GOLGA3: variants seen among roughly 807,000 people sequenced by gnomAD.
GOLGA3 encodes the protein golgin A3.
In GOLGA3, 75 loss-of-function variants were observed where a neutral mutation model predicts 169.4. The ratio of observed to expected loss-of-function variants is 0.44; its 90% CI spans 0.37 to 0.54. The LOEUF (loss-of-function observed/expected upper bound fraction) is 0.54. Among genes scored for constraint, GOLGA3 ranks in the 20% least tolerant of loss-of-function variants. The pLI, the probability that GOLGA3 is intolerant of heterozygous loss-of-function variation, is 0.00. For synonymous variants in GOLGA3, 824 were observed against 822.4 expected (o/e 1.00, Z -0.03); for missense variants, 1,899 against 1,930.0 (o/e 0.98, Z 0.30).
At chr12:132,775,013 C>G in intron 22 of GOLGA3, 128 bp downstream of exon 22, 1 of 701,888 alleles carries the variant, frequency 1.4e-6, no homozygotes, top group East Asian at 2.7e-5. Flanking sequence ...ACTGACTACA[C>G]AGCAGCTGCT....
At chr12:132,789,759 C>T (rs1050297522) in intron 12 of GOLGA3, among the ~76,000 whole-genome samples, 6 of 152,108 alleles carry the variant, frequency 3.9e-5, no homozygotes, top group African/African-American at 1.5e-4. Context: ...GCAGGCCGGG[C>T]GCGGTGGCTC....
chr12:132,808,640 A>G, intron 4 of GOLGA3, 91 bp from the exon 5 acceptor site: 1 of 1,004,246 alleles, frequency 1.0e-6, no homozygotes, highest in Non-Finnish European at 1.5e-6. Context: ...ACCGATCACT[A>G]CTCCCTCCGC....
rs1170693517 is a variant in GOLGA3, at chr12:132,786,638, G to GC, written c.2906+54dup. ...GGCATTCTGGTTCGCCTCCCCCCCGGCCCCCGCACCTCCCACCTGGCCCCC... is the reference window on the plus strand; with the variant it reads ...GGCATTCTGGTTCGCCTCCCCCCCGGCCCCCCGCACCTCCCACCTGGCCCCC... On this transcript the variant is annotated intron_variant, in intron 14 of 23. Coordinates refer to ENST00000450791, the MANE Select transcript of GOLGA3 (RefSeq NM_001389683.1). 1.7e-5 allele frequency: 16 copies of GC among 915,596 alleles called. No individual in the cohort carries two copies. The East Asian group carries it at 2.1e-4, about 12-fold the overall frequency. The allele number at this position is 915,596 out of a possible 1,614,324, so 56.7% of individuals were successfully genotyped here.
chr12:132,813,858 G>A (rs947411339), intron 3 of GOLGA3, among the ~76,000 whole-genome samples: 3 of 151,654 alleles, frequency 2.0e-5, no homozygotes, highest in Non-Finnish European at 2.9e-5. Context: ...CCAAGTAGCT[G>A]GGAATACAGG....
At position 132,770,078 on chromosome 12, in the gene GOLGA3, C is replaced by G. The variant is rs1018248990; in HGVS notation, c.*3027G>C. 9.2e-5 allele frequency: 14 copies of G among 151,978 alleles called. No individual in the cohort carries two copies. Among genetic ancestry groups the G allele is most frequent in the African/African-American group, 3.4e-4 (14 of 41,358 alleles). 9.4% of individuals were successfully genotyped at this position (151,978 alleles called of 1,614,324 possible). A position where few individuals can be genotyped will look rare whatever the true frequency, so the allele number is the denominator to read the frequency against. On this transcript the variant is annotated 3_prime_UTR_variant, in exon 24 of 24. Transcript: ENST00000450791. ...GTGGAACTCCACCCCTCTAAAAATA[C>G]AAAAATTAGGCTGGTGTGGTGGCGG...
chr12:132,791,473 G>C (rs888422202), intron 11 of GOLGA3, among the ~76,000 whole-genome samples, 180 bp from the exon 12 acceptor site: 1 of 151,818 alleles, frequency 6.6e-6, no homozygotes, highest in Non-Finnish European at 1.5e-5. Flanking sequence ...GGACACATCT[G>C]CAGAGATGTT....
Position 132,791,238 on chromosome 12 carries a change from T to C in GOLGA3, c.2525A>G (p.Lys842Arg), listed in dbSNP as rs2046216265. ...AALKKQMQKI[K>R]EQFLQQKVMV... ...TACCTTTTGTTGGAGAAACTGTTCC[T>C]TTATTTTTTGCATTTGCTTTTTCAG... is the stretch of plus-strand genomic sequence containing the variant. The change falls in exon 12 of 24, where the codon AAG (lysine) becomes AGG (arginine). Residue 842 changes from lysine (K) to arginine (R), a missense_variant. Lys to Arg is a conservative substitution (Grantham distance 26). Transcript: ENST00000450791. The C allele has an allele frequency of 3.7e-6, 6 of 1,604,454 alleles. No homozygotes were observed. Among genetic ancestry groups the C allele is most frequent in the South Asian group, 1.1e-5 (1 of 90,742 alleles).
intron 1 of GOLGA3, among the ~76,000 whole-genome samples, chr12:132,822,834 G>C (rs1435091530): frequency 6.6e-6 from 1 of 152,112 alleles, no homozygotes; most frequent in African/African-American, 2.4e-5. Context: ...AGGCAGGAGA[G>C]TCACTTGAAA....
intron 4 of GOLGA3, chr12:132,811,797 TAAG>T (rs1202569078): frequency 1.2e-5 from 11 of 921,330 alleles, no homozygotes; most frequent in East Asian, 2.3e-4. Context: ...CTTAAAGGTA[TAAG>T]AAGAACACGC....
intron 23 of GOLGA3, among the ~76,000 whole-genome samples, chr12:132,773,945 A>G (rs1470741435): frequency 4.9e-5 from 7 of 141,838 alleles, no homozygotes; most frequent in Non-Finnish European, 3.0e-5. Context: ...TCAGAGGCTG[A>G]GTCCTTCCCC....
chr12:132,779,739 G>A (rs1051565561), intron 18 of GOLGA3, among the ~76,000 whole-genome samples: 8 of 148,076 alleles, frequency 5.4e-5, no homozygotes, highest in African/African-American at 1.7e-4. Flanking sequence ...AGGCACACAC[G>A]TGCGCACACA....
rs1407031588 is a variant in GOLGA3 at position 132,807,181 on chromosome 12, C to T, written c.1286G>A (p.Ser429Asn). Residue 429 changes from serine to asparagine, a missense_variant, in exon 6 of 24, where the codon AGT becomes AAT. Physicochemically the swap from Ser to Asn is conservative, Grantham distance 46. Coordinates refer to ENST00000450791, the MANE Select transcript of GOLGA3 (RefSeq NM_001389683.1). ...TGTCAGTCGAACGTCCGTTACCTGACTCGCCTCCAGTGACAAGGCTTCCAG... is the reference window on the plus strand; with the variant it reads ...TGTCAGTCGAACGTCCGTTACCTGATTCGCCTCCAGTGACAAGGCTTCCAG... Reference protein sequence around the residue: ...GQLEALSLEASQALKEKAELQ... With the variant: ...GQLEALSLEANQALKEKAELQ... The T allele has an allele frequency of 1.3e-6, 2 of 1,595,048 alleles. No individual in the cohort carries two copies. The highest frequency in any genetic ancestry group is 2.3e-5 in the South Asian group (2 of 88,542).
At chr12:132,810,473 A>G (rs892898613) in intron 4 of GOLGA3, among the ~76,000 whole-genome samples, 3 of 152,168 alleles carry the variant, frequency 2.0e-5, no homozygotes, top group African/African-American at 7.2e-5. Flanking sequence ...TTATATATGA[A>G]TATCATTAAT....
intron 1 of GOLGA3, among the ~76,000 whole-genome samples, chr12:132,824,267 C>T (rs1950327272): frequency 6.6e-6 from 1 of 152,224 alleles, no homozygotes; most frequent in Admixed American, 6.5e-5. Flanking sequence ...TCCACTGACA[C>T]AGTCAATGAC....
chr12:132,816,634 T>C lies in GOLGA3; in HGVS notation c.312A>G (p.Leu104=). The change falls in exon 3 of 24, where the codon CTA becomes CTG. Residue 104 remains leucine (L), a synonymous_variant. Coordinates refer to ENST00000450791, the MANE Select transcript of GOLGA3 (RefSeq NM_001389683.1). ...SPGVAGFHDN[L]RKSQGTSAEG... ...CAGCACTAGTTCCCTGAGACTTCCTTAGGTTGTCATGGAAACCAGCCACAC... is the reference window on the plus strand; with the variant it reads ...CAGCACTAGTTCCCTGAGACTTCCTCAGGTTGTCATGGAAACCAGCCACAC... 1 of 1,614,118 alleles carries C rather than the reference T, an allele frequency of 6.2e-7. No homozygotes were observed. The highest frequency in any genetic ancestry group is 8.5e-7 in the Non-Finnish European group (1 of 1,179,966).
At chr12:132,800,977 A>G (rs1949103833) in intron 8 of GOLGA3, among the ~76,000 whole-genome samples, 1 of 152,188 alleles carries the variant, frequency 6.6e-6, no homozygotes, top group African/African-American at 2.4e-5. Context: ...ACCAAAAACA[A>G]AAAGACTGAG....
rs911739032 is a variant in GOLGA3, at chr12:132,777,574, T to C, written c.3722+92A>G. 1.7e-5 allele frequency: 25 copies of C among 1,429,056 alleles called. No homozygotes were observed. Among genetic ancestry groups the C allele is most frequent in the South Asian group, 1.4e-4 (11 of 78,778 alleles). The allele number at this position is 1,429,056 out of a possible 1,614,324, so 88.5% of individuals were successfully genotyped here. ...CAAGTACTCGGCAATTTGCAAAATATAGATGACCCTCGCTGTGCTGAAGGT... is the reference window on the plus strand; with the variant it reads ...CAAGTACTCGGCAATTTGCAAAATACAGATGACCCTCGCTGTGCTGAAGGT... On this transcript the variant is annotated intron_variant, in intron 19 of 23. Transcript: ENST00000450791. This position sits in a 1 kb window ranked among gnomAD's most constrained non-coding sequence, Gnocchi z 4.7.
At chr12:132,821,853 C>CAA (rs11301977) in intron 2 of GOLGA3, 143 bp downstream of exon 2, 370 of 392,964 alleles carry the variant, frequency 9.4e-4, no homozygotes, top group African/African-American at 3.0e-3. Context: ...GACTCCGTCT[C>CAA]AAAAAAAAAA....
At chr12:132,778,213 C>T (rs982104134) in intron 18 of GOLGA3, among the ~76,000 whole-genome samples, 5 of 152,100 alleles carry the variant, frequency 3.3e-5, no homozygotes, top group Non-Finnish European at 5.9e-5. Context: ...GAGTTCCAGG[C>T]TGCAGGGGAG....
Sources: allele counts gnomAD v4.1 joint callset (sites outside exome capture counted in the v4.1 genomes callset), GRCh38; gene constraint gnomAD v4.1.1; non-coding constraint Gnocchi (gnomAD v3.1); transcripts MANE v1.5; gene names NCBI Gene and HGNC (gene_info 2026-07-23, HGNC 2026-07-21).